The following PDHB variants were observed in gnomAD, a reference collection of about 807,000 sequenced individuals.
PDHB encodes pyruvate dehydrogenase E1 component subunit beta, mitochondrial.
In PDHB, 17 loss-of-function variants were observed where a neutral mutation model predicts 42.8. The observed-to-expected ratio is 0.40, with a 90% CI of 0.27 to 0.60. The LOEUF (loss-of-function observed/expected upper bound fraction) is 0.60, where lower values mean the gene tolerates loss of function less well. PDHB is among the 20% of genes least tolerant of loss of function. The pLI is 0.46. For synonymous variants in PDHB, 154 were observed against 148.7 expected, an observed-to-expected ratio of 1.04 and a Z score of -0.26; for missense variants, 322 against 451.3, an observed-to-expected ratio of 0.71 and a Z score of 2.60.
chr3:58,429,450 CG>C (rs796626424), intron 8 of PDHB, among the ~76,000 whole-genome samples: 3 of 151,502 alleles, frequency 2.0e-5, no homozygotes, highest in Non-Finnish European at 4.4e-5. Flanking sequence ...TTTTCTCTCT[CG>C]GGGGGTATCA....
chr3:58,428,856 C>CTTT (rs1004927563), intron 8 of PDHB: 3 of 523,164 alleles, frequency 5.7e-6, no homozygotes, highest in Non-Finnish European at 6.8e-6. Context: ...TCTTCCTTCA[C>CTTT]TTTTTTATTT....
intron 2 of PDHB, 122 bp downstream of exon 2, chr3:58,433,509 G>A: frequency 9.4e-7 from 1 of 1,061,446 alleles, no homozygotes; most frequent in Non-Finnish European, 1.4e-6. Flanking sequence ...GGAGGATGCT[G>A]GCTCCGCAAA....
Position 58,430,186 on chromosome 3 carries a change from C to T in PDHB, c.642G>A (p.Pro214=), listed in dbSNP as rs763021302. ...TCAGAAAATCTTTTGACTGAGCTTCCGGAGGAAATTCAAAAGGAACCCCAT... is the reference window on the plus strand; with the variant it reads ...TCAGAAAATCTTTTGACTGAGCTTCTGGAGGAAATTCAAAAGGAACCCCAT... ...LMYGVPFEFP[P]EAQSKDFLIP... is the part of the protein sequence containing the mutation. Residue 214 remains proline, a synonymous_variant, in exon 7 of 10, where the codon CCG becomes CCA. Coordinates refer to ENST00000302746, the MANE Select transcript of PDHB (RefSeq NM_000925.4). 1.6e-5 allele frequency: 25 copies of T among 1,612,804 alleles called. No homozygotes were observed. Among genetic ancestry groups the T allele is most frequent in the South Asian group, 3.3e-5 (3 of 90,882 alleles).
At chr3:58,433,187 G>T in intron 2 of PDHB, 1 of 241,784 alleles carries the variant, frequency 4.1e-6, no homozygotes, top group South Asian at 5.3e-5. Flanking sequence ...GGGGTTACCA[G>T]GGGTTTGGGG....
chr3:58,428,263 A>G, intron 9 of PDHB, 84 bp from the exon 10 acceptor site: 1 of 1,361,424 alleles, frequency 7.3e-7, no homozygotes, highest in Non-Finnish European at 1.0e-6. Flanking sequence ...CTGACCAGGA[A>G]GAGAAAATGT....
At position 58,428,174 on chromosome 3, in the gene PDHB, C is replaced by A; in HGVS notation, c.940G>T (p.Ala314Ser). ...GCAGGAGCATCCAGGAAATTGAACG[C>A]AGGACCTAGGAGAAGGAAGGCTCAA... ...EICARIMEGP[A>S]FNFLDAPAVR... Residue 314 changes from alanine (A) to serine (S), a missense_variant, in exon 10 of 10, where the codon GCG becomes TCG. Coordinates refer to ENST00000302746, the MANE Select transcript of PDHB (RefSeq NM_000925.4). 2 of 1,614,040 alleles carry A rather than the reference C, an allele frequency of 1.2e-6. No homozygotes were observed. The highest frequency in any genetic ancestry group is 1.7e-6 in the Non-Finnish European group (2 of 1,179,918).
intron 6 of PDHB, 53 bp downstream of exon 6, chr3:58,430,604 T>C (rs2062911281): frequency 4.2e-6 from 6 of 1,433,928 alleles, no homozygotes; most frequent in South Asian, 3.4e-5. Flanking sequence ...TGTGCAAATA[T>C]ATCATTTTAG....
At chr3:58,432,024 T>G in intron 2 of PDHB, 40 bp from the exon 3 acceptor site, 1 of 1,411,632 alleles carries the variant, frequency 7.1e-7, no homozygotes, top group Non-Finnish European at 1.0e-6. Flanking sequence ...CAGAATTGTT[T>G]GGGATTCAAC....
At chr3:58,428,664 A>C (rs568989787) in intron 8 of PDHB, 50 bp from the exon 9 acceptor site, 3 of 1,488,090 alleles carry the variant, frequency 2.0e-6, no homozygotes, top group Non-Finnish European at 2.8e-6. Context: ...GCACAAATAG[A>C]GCCTTATCCC....
Position 58,427,991 on chromosome 3 carries a change from A to C in PDHB, c.*43T>G, listed in dbSNP as rs751173808. On this transcript the variant is annotated 3_prime_UTR_variant, in exon 10 of 10. Coordinates refer to ENST00000302746, the MANE Select transcript of PDHB (RefSeq NM_000925.4). ...TACAAATCCAGGTGCAGTGCCAGCA[A>C]GTATTTCAAATAAATTTCAACGACT... is the stretch of plus-strand genomic sequence containing the variant. 6.9e-7 allele frequency: 1 copy of C among 1,439,618 alleles called. No individual in the cohort carries two copies. The highest frequency in any genetic ancestry group is 1.4e-5 in the African/African-American group (1 of 71,616). 89.2% of individuals were successfully genotyped at this position (1,439,618 alleles called of 1,614,324 possible).
chr3:58,433,597 C>CCGCCCTCGTCCGACGAG (rs771712133), intron 2 of PDHB, 34 bp downstream of exon 2: 1 of 1,592,938 alleles, frequency 6.3e-7, no homozygotes, highest in African/African-American at 1.3e-5. Flanking sequence ...GGGACCCTCC[C>CCGCCCTCGTCCGACGAG]CGCCCTCGTC....
rs2062920873 is a variant in PDHB, at chr3:58,431,565, G to C, written c.303+28C>G. 3.2e-6 allele frequency: 5 copies of C among 1,553,470 alleles called. No homozygotes were observed. The East Asian group carries it at 1.1e-4, about 35-fold the overall frequency. Reference sequence around the variant, plus strand: ...AAAAAGAAAACAAGAAATGTCTTTGGATAAGTTTCATAAAGAGTATTACAT... The same window carrying C: ...AAAAAGAAAACAAGAAATGTCTTTGCATAAGTTTCATAAAGAGTATTACAT... On this transcript the variant is annotated intron_variant, in intron 5 of 9. Coordinates refer to ENST00000302746, the MANE Select transcript of PDHB (RefSeq NM_000925.4). The surrounding 1 kb of genome is among the most constrained non-coding windows in gnomAD (Gnocchi z 4.4).
Position 58,432,158 on chromosome 3 carries a change from G to A in PDHB, c.97-174C>T, listed in dbSNP as rs1025839578. ...GTAACATTTCTATTACACATAGTTG[G>A]TCTTTGCATGTGTTAATGTACTGAG... On this transcript the variant is annotated intron_variant, in intron 2 of 9. Coordinates refer to ENST00000302746, the MANE Select transcript of PDHB (RefSeq NM_000925.4). 5 of 645,972 alleles carry A rather than the reference G, an allele frequency of 7.7e-6. No individual in the cohort carries two copies. The East Asian group carries it at 1.4e-4, about 18-fold the overall frequency. The allele number at this position is 645,972 out of a possible 1,614,324, so 40.0% of individuals were successfully genotyped here.
chr3:58,427,812 A>G lies in PDHB; in HGVS notation c.*222T>C. 1 of 617,584 alleles carries G rather than the reference A, an allele frequency of 1.6e-6. No homozygotes were observed. Among genetic ancestry groups the G allele is most frequent in the Non-Finnish European group, 3.0e-6 (1 of 333,886 alleles). 38.3% of individuals were successfully genotyped at this position (617,584 alleles called of 1,614,324 possible). ...ATGTTATATAATTTGTTATTCAAAG[A>G]ACATGGCAACCGTAACAGACAAAAG... On this transcript the variant is annotated 3_prime_UTR_variant, in exon 10 of 10. Transcript: ENST00000302746.
Position 58,429,801 on chromosome 3 carries a change from T to C in PDHB, c.701-2A>G. The C allele has an allele frequency of 6.3e-7, 1 of 1,582,692 alleles. No homozygotes were observed. ...GGGAAACCACAGTTATATGTGTTCC[T>C]GAAAACAGAGTGGTCACAGATCAGA... On this transcript the variant is annotated splice_acceptor_variant, in intron 7 of 9. Transcript: ENST00000302746. LOFTEE classifies it high-confidence loss of function.
chr3:58,428,372 T>C, intron 9 of PDHB, 101 bp downstream of exon 9: 3 of 1,382,634 alleles, frequency 2.2e-6, no homozygotes, highest in Middle Eastern at 1.8e-4. Flanking sequence ...TTGAAGTCGT[T>C]TGGCCACTCC....
Position 58,428,779 on chromosome 3 carries a change from A to T in PDHB, c.793-165T>A. On this transcript the variant is annotated intron_variant, in intron 8 of 9. Transcript: ENST00000302746. ...GAATGTACAAACTGTAAAAGGAAAA[A>T]TTTTAATTAAAACAAAGATCTGTAT... 6 of 636,758 alleles carry T rather than the reference A, an allele frequency of 9.4e-6. No individual in the cohort carries two copies. The South Asian group carries it at 1.2e-4, about 12-fold the overall frequency. 39.4% of individuals were successfully genotyped at this position (636,758 alleles called of 1,614,324 possible).
intron 2 of PDHB, 23 bp downstream of exon 2, chr3:58,433,608 C>G (rs1576959332): frequency 1.9e-6 from 3 of 1,603,614 alleles, no homozygotes; most frequent in East Asian, 4.5e-5. Flanking sequence ...CGCCCTCGTC[C>G]GACGAGCACC....
At chr3:58,430,623 T>C in intron 6 of PDHB, 34 bp downstream of exon 6, 1 of 1,587,768 alleles carries the variant, frequency 6.3e-7, no homozygotes, top group Non-Finnish European at 8.6e-7. Flanking sequence ...AGTTTTTCAA[T>C]CTTCAAAAAA....
Sources: gnomAD v4.1 joint callset for allele counts (sites outside exome capture counted in the v4.1 genomes callset) on GRCh38, gnomAD v4.1.1 for gene constraint, Gnocchi (gnomAD v3.1) non-coding constraint, MANE v1.5 for transcripts, NCBI Gene and HGNC (gene_info 2026-07-23, HGNC 2026-07-21) for gene names.